Variants in CHRNA7 observed in about 807,000 individuals in gnomAD.
CHRNA7 encodes the protein neuronal acetylcholine receptor subunit alpha-7.
Under a neutral mutation model 48.0 loss-of-function variants are expected in CHRNA7, and 17 were observed. The ratio of observed to expected loss-of-function variants is 0.35; its 90% confidence interval spans 0.24 to 0.53. The LOEUF (loss-of-function observed/expected upper bound fraction) is 0.53. Among genes scored for constraint, CHRNA7 ranks in the 20% least tolerant of loss-of-function variants. CHRNA7 has a pLI of 0.92. For synonymous variants in CHRNA7, 75 were observed against 242.3 expected, an observed-to-expected ratio of 0.31 and a Z score of 6.41; for missense variants, 155 against 577.7, an observed-to-expected ratio of 0.27 and a Z score of 7.50.
intron 2 of CHRNA7, among the ~76,000 whole-genome samples, chr15:32,047,438 G>A (rs527779802): frequency 5.4e-4 from 82 of 152,122 alleles, no homozygotes; most frequent in African/African-American, 1.8e-3. Context: ...AAGCAATTGC[G>A]AATGGGAGTT....
At chr15:32,089,064 G>C (rs1037216445) in intron 2 of CHRNA7, among the ~76,000 whole-genome samples, 9 of 152,054 alleles carry the variant, frequency 5.9e-5, no homozygotes, top group South Asian at 2.1e-4. Context: ...TTACATCTAG[G>C]CTTATGATCC....
intron 4 of CHRNA7, among the ~76,000 whole-genome samples, chr15:32,148,505 A>T (rs2141352356): frequency 6.6e-6 from 1 of 152,272 alleles, no homozygotes; most frequent in East Asian, 1.9e-4. Context: ...CTCTTGTTCC[A>T]GGGCCAGCAG....
intron 2 of CHRNA7, among the ~76,000 whole-genome samples, chr15:32,046,246 T>C (rs1422456918): frequency 6.6e-6 from 1 of 150,590 alleles, no homozygotes; most frequent in Non-Finnish European, 1.5e-5. Context: ...ATCGCCACAC[T>C]GACTTCCACA....
At chr15:32,151,539 T>C (rs957756008) in intron 4 of CHRNA7, among the ~76,000 whole-genome samples, 1 of 152,100 alleles carries the variant, frequency 6.6e-6, no homozygotes, top group Non-Finnish European at 1.5e-5. Context: ...CCTCCCACTC[T>C]CCCTGATGGA....
At chr15:32,070,208 C>T (rs1446234477) in intron 2 of CHRNA7, among the ~76,000 whole-genome samples, 1 of 152,080 alleles carries the variant, frequency 6.6e-6, no homozygotes, top group Non-Finnish European at 1.5e-5. Context: ...TAATAGGCTG[C>T]GTTTTGTTTT....
At chr15:32,084,023 T>C (rs2050256632) in intron 2 of CHRNA7, among the ~76,000 whole-genome samples, 1 of 152,204 alleles carries the variant, frequency 6.6e-6, no homozygotes, top group African/African-American at 2.4e-5. Context: ...GGGAGAGGTA[T>C]AGTTTTCCTT....
At position 32,132,548 on chromosome 15, in the gene CHRNA7, C is replaced by T. The variant is rs184816481; in HGVS notation, c.350+20649C>T. Among the ~76,000 whole-genome samples, 67 of 152,326 alleles carry T rather than the reference C, an allele frequency of 4.4e-4. 2 individuals are homozygous for T. Among genetic ancestry groups the T allele is most frequent in the Non-Finnish European group, 1.3e-4 (9 of 68,036 alleles). ...TAAATAATAGAAATTTATTTTCACA[C>T]AATTCTGGGAGCTGAGAAGTTCAAG... On this transcript the variant is annotated intron_variant, in intron 4 of 9. Transcript: ENST00000306901.
intron 4 of CHRNA7, among the ~76,000 whole-genome samples, chr15:32,127,986 TG>T (rs952070008): frequency 6.6e-6 from 1 of 152,050 alleles, no homozygotes; most frequent in African/African-American, 2.4e-5. Flanking sequence ...TGTCAATTTT[TG>T]GTATGATATC....
At chr15:32,067,244 A>G (rs1413187648) in intron 2 of CHRNA7, among the ~76,000 whole-genome samples, 1 of 152,222 alleles carries the variant, frequency 6.6e-6, no homozygotes, top group African/African-American at 2.4e-5. Context: ...CAAACTGTTG[A>G]AAGACAAAGA....
At chr15:32,162,485 TTTC>T (rs2051935027) in intron 8 of CHRNA7, 1 of 87,310 alleles carries the variant, frequency 1.1e-5, no homozygotes, top group African/African-American at 3.8e-5. Context: ...TAAATACATA[TTTC>T]TTATTATAAA....
chr15:32,126,054 C>T (rs1165012442), intron 4 of CHRNA7, among the ~76,000 whole-genome samples: 2 of 151,954 alleles, frequency 1.3e-5, no homozygotes, highest in Non-Finnish European at 2.9e-5. Flanking sequence ...CAAATGAATG[C>T]TTCTCCCTGA....
At chr15:32,144,924 C>T (rs149911546) in intron 4 of CHRNA7, among the ~76,000 whole-genome samples, 1,954 of 152,314 alleles carry the variant, frequency 0.013, 49 homozygotes, top group African/African-American at 0.045. Context: ...TCTGTCAACT[C>T]GTCAAAGTCA....
intron 2 of CHRNA7, among the ~76,000 whole-genome samples, chr15:32,073,518 TAGG>T (rs1471134856): frequency 5.9e-5 from 9 of 152,196 alleles, no homozygotes; most frequent in African/African-American, 1.9e-4. Context: ...TATTTTGTAA[TAGG>T]AGAAGGACAA....
intron 2 of CHRNA7, among the ~76,000 whole-genome samples, chr15:32,096,561 G>A (rs577543120): frequency 4.6e-5 from 7 of 151,246 alleles, no homozygotes; most frequent in Non-Finnish European, 1.0e-4. Context: ...TATTTTCTCT[G>A]CAAACAAGAA....
intron 2 of CHRNA7, among the ~76,000 whole-genome samples, chr15:32,089,130 T>G (rs1437229017): frequency 6.6e-6 from 1 of 152,224 alleles, no homozygotes; most frequent in Non-Finnish European, 1.5e-5. Flanking sequence ...TTTTAGACAT[T>G]TATTTTACTT....
rs189433346 is a variant in CHRNA7, at chr15:32,109,137, G to A, written c.241-2653G>A. Among the ~76,000 whole-genome samples the A allele has an allele frequency of 7.2e-4, 110 of 152,330 alleles. No individual in the cohort carries two copies. In the East Asian group the frequency reaches 0.012, roughly 16 times the overall value. ...GCTACTCCATAGAGAGAGCAGCCCC[G>A]AAGGCTGCTGGTTGCCCATTTTTAT... is the stretch of plus-strand genomic sequence containing the variant. On this transcript the variant is annotated intron_variant, in intron 3 of 9. Coordinates refer to ENST00000306901, the MANE Select transcript of CHRNA7 (RefSeq NM_000746.6).
chr15:32,120,708 A>C (rs575217061), intron 4 of CHRNA7, among the ~76,000 whole-genome samples: 1 of 152,118 alleles, frequency 6.6e-6, no homozygotes, highest in Non-Finnish European at 1.5e-5. Flanking sequence ...GTCTTCTGGC[A>C]TGTGGCAACG....
chr15:32,127,958 G>A (rs2051096495), intron 4 of CHRNA7, among the ~76,000 whole-genome samples: 2 of 151,960 alleles, frequency 1.3e-5, no homozygotes, highest in Admixed American at 1.3e-4. Context: ...TTACATTTAA[G>A]TCTGTTCTTT....
intron 2 of CHRNA7, among the ~76,000 whole-genome samples, chr15:32,040,138 T>C (rs556335384): frequency 4.9e-4 from 74 of 152,246 alleles, no homozygotes; most frequent in Middle Eastern, 3.4e-3. Context: ...TTTATATGTG[T>C]CTTTATATTT....
Sources: allele counts gnomAD v4.1 joint callset (sites outside exome capture counted in the v4.1 genomes callset), GRCh38; gene constraint gnomAD v4.1.1; transcripts MANE v1.5; gene names NCBI Gene and HGNC (gene_info 2026-07-23, HGNC 2026-07-21).